Variants in SMO observed in about 807,000 individuals in gnomAD.
SMO encodes protein smoothened.
Under a neutral mutation model 81.6 loss-of-function variants are expected in SMO, and 40 were observed. The observed-to-expected ratio is 0.49, with a 90% CI of 0.38 to 0.64. SMO has a LOEUF of 0.64. Ranked by LOEUF, SMO falls within the 30% of genes least tolerant of loss-of-function variation. SMO has a pLI of 0.00. For synonymous variants in SMO, 434 were observed against 432.1 expected, an observed-to-expected ratio of 1.00 and a Z score of -0.05; for missense variants, 916 against 1,061.1, an observed-to-expected ratio of 0.86 and a Z score of 1.90.
chr7:129,211,400 G>GAGT lies in SMO; in HGVS notation c.1802-234_1802-232dup. The GAGT allele has an allele frequency of 1.4e-6, 1 of 711,538 alleles. No individual in the cohort carries two copies. Among genetic ancestry groups the GAGT allele is most frequent in the Non-Finnish European group, 2.5e-6 (1 of 394,468 alleles). 44.1% of individuals were successfully genotyped at this position (711,538 alleles called of 1,614,324 possible). On this transcript the variant is annotated intron_variant, in intron 10 of 11. Coordinates refer to ENST00000249373, the MANE Select transcript of SMO (RefSeq NM_005631.5). This position sits in a 1 kb window ranked among gnomAD's most constrained non-coding sequence, Gnocchi z 4.6. ...TTCTCCAGTTGCTCTCCCTGGGCAA[G>GAGT]AGTAAGTCAGGGTTCCAAGAACTGG...
intron 1 of SMO, among the ~76,000 whole-genome samples, chr7:129,200,240 C>T (rs1050710060): frequency 6.6e-6 from 1 of 152,056 alleles, no homozygotes; most frequent in Middle Eastern, 3.4e-3. Context: ...ACACGGTGAA[C>T]CCCCGTCTCT....
chr7:129,196,058 G>A (rs905763457), intron 1 of SMO, among the ~76,000 whole-genome samples: 3 of 146,006 alleles, frequency 2.1e-5, no homozygotes, highest in Middle Eastern at 3.6e-3. Flanking sequence ...CCGAGATCGT[G>A]CCACTGCACT....
Position 129,210,652 on chromosome 7 carries a change from A to G in SMO, c.1652+104A>G. ...TCCTGCCTCTAGCACAGCCTTGGTC[A>G]GTGGTTCACCGCTGCCCCCTGGTGG... On this transcript the variant is annotated intron_variant, in intron 9 of 11. Transcript: ENST00000249373. This position sits in a 1 kb window ranked among gnomAD's most constrained non-coding sequence, Gnocchi z 4.7. 1 of 966,888 alleles carries G rather than the reference A, an allele frequency of 1.0e-6. No individual in the cohort carries two copies. The highest frequency in any genetic ancestry group is 1.6e-6 in the Non-Finnish European group (1 of 639,218). 59.9% of individuals were successfully genotyped at this position (966,888 alleles called of 1,614,324 possible). A position where few individuals can be genotyped will look rare whatever the true frequency, so the allele number is the denominator to read the frequency against.
chr7:129,195,890 A>G lies in SMO; in HGVS notation c.331+6408A>G, dbSNP rs368018945. 3.3e-3 allele frequency among the ~76,000 whole-genome samples: 503 copies of G among 152,228 alleles called. 4 individuals are homozygous for G. The highest frequency in any genetic ancestry group is 0.011 in the African/African-American group (473 of 41,566). On this transcript the variant is annotated intron_variant, in intron 1 of 11. Coordinates refer to ENST00000249373, the MANE Select transcript of SMO (RefSeq NM_005631.5). ...GTCAAGGTGGGCAGATCACGAGGTC[A>G]GGAAGTCGAGACCATCCTGGCTAAC...
At position 129,199,036 on chromosome 7, in the gene SMO, A is replaced by G. The variant is rs1563147363; in HGVS notation, c.332-4348A>G. The stretch of plus-strand genomic sequence containing the variant: ...ATGAATAATCTATATTATCTTTGTG[A>G]ACATGTGAAGTAGAAGTACTAGTAT... On this transcript the variant is annotated intron_variant, in intron 1 of 11. Coordinates refer to ENST00000249373, the MANE Select transcript of SMO (RefSeq NM_005631.5). 5.9e-5 allele frequency among the ~76,000 whole-genome samples: 9 copies of G among 152,262 alleles called. No homozygotes were observed. In the South Asian group the frequency reaches 1.9e-3, roughly 32 times the overall value.
intron 4 of SMO, 37 bp downstream of exon 4, chr7:129,205,819 G>A (rs1308091875): frequency 1.3e-6 from 2 of 1,581,600 alleles, no homozygotes; most frequent in Admixed American, 1.7e-5. Context: ...AAGGTACAGG[G>A]AGGAAGGCTG....
chr7:129,204,110 A>AT (rs1457211079), intron 2 of SMO, among the ~76,000 whole-genome samples: 1 of 152,174 alleles, frequency 6.6e-6, no homozygotes, highest in Admixed American at 6.6e-5. Context: ...AGGTGGGCAG[A>AT]TCACCTGAAG....
At position 129,210,703 on chromosome 7, in the gene SMO, TGCCTGG is replaced by T. The variant is rs1052523870; in HGVS notation, c.1652+171_1652+176del. The stretch of plus-strand genomic sequence containing the variant: ...CACCTTCTGTCCTTGGGTGGCCTGA[TGCCTGG>T]GCCTGGGCCTGGGCCAAGGGCAGAG... On this transcript the variant is annotated intron_variant, in intron 9 of 11. Transcript: ENST00000249373. The surrounding 1 kb of genome is among the most constrained non-coding windows in gnomAD (Gnocchi z 4.7). 2.0e-5 allele frequency among the ~76,000 whole-genome samples: 3 copies of T among 152,258 alleles called. No individual in the cohort carries two copies. The highest frequency in any genetic ancestry group is 4.8e-5 in the African/African-American group (2 of 41,484).
chr7:129,197,010 C>G (rs1584656205), intron 1 of SMO, among the ~76,000 whole-genome samples: 1 of 111,036 alleles, frequency 9.0e-6, no homozygotes, highest in South Asian at 3.5e-4. Context: ...CAGTGAGACA[C>G]CGTCTCAAAA....
At chr7:129,193,758 C>CAAAAAAAA (rs35934044) in intron 1 of SMO, among the ~76,000 whole-genome samples, 2 of 7,458 alleles carry the variant, frequency 2.7e-4, no homozygotes, top group Non-Finnish European at 4.1e-4. Context: ...GACTCCATCT[C>CAAAAAAAA]AAAAAAAAAA....
Position 129,211,976 on chromosome 7 carries a change from A to C in SMO, c.1937-48A>C, listed in dbSNP as rs1563151993. 1 of 1,528,654 alleles carries C rather than the reference A, an allele frequency of 6.5e-7. No homozygotes were observed. Among genetic ancestry groups the C allele is most frequent in the South Asian group, 1.2e-5 (1 of 80,474 alleles). The allele number at this position is 1,528,654 out of a possible 1,614,324, so 94.7% of individuals were successfully genotyped here. On this transcript the variant is annotated intron_variant, in intron 11 of 11. Transcript: ENST00000249373. The surrounding 1 kb of genome is among the most constrained non-coding windows in gnomAD (Gnocchi z 4.6). ...GTGCTCCCAGGGGAGCGGGGGTGGC[A>C]TGGACAGAGCCAGGGCCCCAGGCTC...
Position 129,208,578 on chromosome 7 carries a change from C to T in SMO, c.1265-181C>T, listed in dbSNP as rs1224085106. ...AGGCTCCCTCTTCTCAAGTGTCTGT[C>T]TAGGCTCTGCCCTGGTCTTCTCACC... On this transcript the variant is annotated intron_variant, in intron 6 of 11. Transcript: ENST00000249373. This position sits in a 1 kb window ranked among gnomAD's most constrained non-coding sequence, Gnocchi z 5.2. Among the ~76,000 whole-genome samples the T allele has an allele frequency of 2.0e-5, 3 of 152,150 alleles. No individual in the cohort carries two copies. The East Asian group carries it at 5.8e-4, about 29-fold the overall frequency.
Position 129,210,657 on chromosome 7 carries a change from T to C in SMO, c.1652+109T>C. On this transcript the variant is annotated intron_variant, in intron 9 of 11. Coordinates refer to ENST00000249373, the MANE Select transcript of SMO (RefSeq NM_005631.5). This position sits in a 1 kb window ranked among gnomAD's most constrained non-coding sequence, Gnocchi z 4.7. ...CCTCTAGCACAGCCTTGGTCAGTGG[T>C]TCACCGCTGCCCCCTGGTGGCACCT... The C allele has an allele frequency of 1.1e-6, 1 of 924,948 alleles. No homozygotes were observed. Among genetic ancestry groups the C allele is most frequent in the Non-Finnish European group, 1.6e-6 (1 of 606,206 alleles). 57.3% of individuals were successfully genotyped at this position (924,948 alleles called of 1,614,324 possible).
chr7:129,211,036 A>G lies in SMO; in HGVS notation c.1724A>G (p.Lys575Arg), dbSNP rs56383695. 3 of 1,613,924 alleles carry G rather than the reference A, an allele frequency of 1.9e-6. No individual in the cohort carries two copies. In the Admixed American group the frequency reaches 5.0e-5, roughly 27 times the overall value. Reference sequence around the variant, plus strand: ...AAGATGATTGCCAAGGCCTTCTCTAAGCGGCACGAGCTCCTGCAGAACCCA... The same window carrying G: ...AAGATGATTGCCAAGGCCTTCTCTAGGCGGCACGAGCTCCTGCAGAACCCA... ...KSKMIAKAFSKRHELLQNPGQ... is the reference protein window; with the variant it reads ...KSKMIAKAFSRRHELLQNPGQ... Residue 575 changes from lysine (K) to arginine (R), a missense_variant, in exon 10 of 12, where the codon AAG becomes AGG. Physicochemically the swap from Lys to Arg is conservative, Grantham distance 26 (BLOSUM62 2). Coordinates refer to ENST00000249373, the MANE Select transcript of SMO (RefSeq NM_005631.5). The surrounding 1 kb of genome is among the most constrained non-coding windows in gnomAD (Gnocchi z 4.6).
Position 129,206,011 on chromosome 7 carries a change from G to C in SMO, c.921-139G>C, listed in dbSNP as rs556965382. 546 of 813,062 alleles carry C rather than the reference G, an allele frequency of 6.7e-4. 4 individuals carry two copies. Among genetic ancestry groups the C allele is most frequent in the South Asian group, 4.9e-3 (285 of 58,758 alleles). 50.4% of individuals were successfully genotyped at this position (813,062 alleles called of 1,614,324 possible). On this transcript the variant is annotated intron_variant, in intron 4 of 11. Coordinates refer to ENST00000249373, the MANE Select transcript of SMO (RefSeq NM_005631.5). This position sits in a 1 kb window ranked among gnomAD's most constrained non-coding sequence, Gnocchi z 4.4. Reference sequence around the variant, plus strand: ...CGGCTCCTAGAGCCTCCTCAGATCTGACCTGGGTCCTGTCTCCAAGCCCTG... The same window carrying C: ...CGGCTCCTAGAGCCTCCTCAGATCTCACCTGGGTCCTGTCTCCAAGCCCTG...
Position 129,206,526 on chromosome 7 carries a change from G to A in SMO, c.1203G>A (p.Ala401=), listed in dbSNP as rs117663825. Reference sequence around the variant, plus strand: ...GCTACAAGAACTACCGATACCGTGCGGGCTTCGTGCTGGCCCCAATCGGCC... The same window carrying A: ...GCTACAAGAACTACCGATACCGTGCAGGCTTCGTGCTGGCCCCAATCGGCC... ...FVGYKNYRYR[A]GFVLAPIGLV... Residue 401 remains alanine (A), a synonymous_variant, in exon 6 of 12, where the codon GCG becomes GCA. Coordinates refer to ENST00000249373, the MANE Select transcript of SMO (RefSeq NM_005631.5). This position sits in a 1 kb window ranked among gnomAD's most constrained non-coding sequence, Gnocchi z 4.4. 5.6e-6 allele frequency: 9 copies of A among 1,614,174 alleles called. No homozygotes were observed. The highest frequency in any genetic ancestry group is 3.3e-5 in the Admixed American group (2 of 60,020).
At chr7:129,200,183 C>T (rs914741545) in intron 1 of SMO, among the ~76,000 whole-genome samples, 17 of 152,172 alleles carry the variant, frequency 1.1e-4, no homozygotes, top group Middle Eastern at 3.4e-3. Context: ...TTTGGGAGAC[C>T]GAGGCGGGTG....
In SMO at chr7:129,206,538, G is replaced by T. The variant is rs1381722558; in HGVS notation, c.1215G>T (p.Leu405=). The T allele has an allele frequency of 2.4e-5, 39 of 1,614,176 alleles. No homozygotes were observed. Among genetic ancestry groups the T allele is most frequent in the Non-Finnish European group, 3.2e-5 (38 of 1,180,040 alleles). The part of the protein sequence containing the change: ...KNYRYRAGFV[L]APIGLVLIVG... ...ACCGATACCGTGCGGGCTTCGTGCT[G>T]GCCCCAATCGGCCTGGTGCTCATCG... Residue 405 remains leucine, a synonymous_variant, in exon 6 of 12, where the codon CTG becomes CTT. Transcript: ENST00000249373. The surrounding 1 kb of genome is among the most constrained non-coding windows in gnomAD (Gnocchi z 4.4).
Position 129,210,633 on chromosome 7 carries a change from C to T in SMO, c.1652+85C>T. ...ATCTTTAGGTTTTGTCGGGTCCTGCCTCTAGCACAGCCTTGGTCAGTGGTT... is the reference window on the plus strand; with the variant it reads ...ATCTTTAGGTTTTGTCGGGTCCTGCTTCTAGCACAGCCTTGGTCAGTGGTT... On this transcript the variant is annotated intron_variant, in intron 9 of 11. Coordinates refer to ENST00000249373, the MANE Select transcript of SMO (RefSeq NM_005631.5). This position sits in a 1 kb window ranked among gnomAD's most constrained non-coding sequence, Gnocchi z 4.7. 1 of 1,118,284 alleles carries T rather than the reference C, an allele frequency of 8.9e-7. No individual in the cohort carries two copies. Among genetic ancestry groups the T allele is most frequent in the Non-Finnish European group, 1.3e-6 (1 of 756,014 alleles). 69.3% of individuals were successfully genotyped at this position (1,118,284 alleles called of 1,614,324 possible).
Sources: gnomAD v4.1 joint callset for allele counts (sites outside exome capture counted in the v4.1 genomes callset) on GRCh38, gnomAD v4.1.1 for gene constraint, Gnocchi (gnomAD v3.1) non-coding constraint, MANE v1.5 for transcripts, NCBI Gene and HGNC (gene_info 2026-07-23, HGNC 2026-07-21) for gene names.